The following ABCC9 variants were observed in gnomAD, a reference collection of about 807,000 sequenced individuals.
ABCC9 encodes ATP binding cassette subfamily C member 9.
A neutral mutation model predicts 188.3 loss-of-function variants in ABCC9; 95 were observed. The observed-to-expected ratio is 0.50, with a 90% CI of 0.43 to 0.60. The LOEUF is 0.60. Ranked by LOEUF, ABCC9 falls within the 20% of genes least tolerant of loss-of-function variation. ABCC9 has a pLI of 0.00. For missense variants in ABCC9, 1,102 were observed against 1,876.3 expected (o/e 0.59, Z 7.62); for synonymous variants, 659 against 652.7 (o/e 1.01, Z -0.15).
chr12:21,901,733 C>T (rs1415987063), intron 12 of ABCC9, among the ~76,000 whole-genome samples: 1 of 152,188 alleles, frequency 6.6e-6, no homozygotes, highest in Non-Finnish European at 1.5e-5. Flanking sequence ...GTAAAGGGAT[C>T]AACTCAACAA....
chr12:21,877,494 T>A (rs1946422613), intron 16 of ABCC9, among the ~76,000 whole-genome samples: 1 of 152,140 alleles, frequency 6.6e-6, no homozygotes, highest in African/African-American at 2.4e-5. Context: ...GCTGTCATTA[T>A]GGTTAAATGA....
intron 36 of ABCC9, 83 bp from the exon 37 acceptor site, chr12:21,810,038 T>C: frequency 2.3e-6 from 2 of 886,806 alleles, no homozygotes; most frequent in South Asian, 2.7e-5. Context: ...TTTCTTTCCT[T>C]ACAATGTAAG....
At chr12:21,864,933 G>A (rs931486653) in intron 18 of ABCC9, among the ~76,000 whole-genome samples, 3 of 152,020 alleles carry the variant, frequency 2.0e-5, no homozygotes, top group East Asian at 3.9e-4. Context: ...CACTAAACAC[G>A]AAAGATACAC....
At chr12:21,931,869 T>C (rs547450191) in intron 4 of ABCC9, among the ~76,000 whole-genome samples, 23 of 152,234 alleles carry the variant, frequency 1.5e-4, no homozygotes, top group Non-Finnish European at 3.1e-4. Flanking sequence ...ATGGCATCTA[T>C]TAGAGTCTCT....
intron 8 of ABCC9, 140 bp downstream of exon 8, chr12:21,912,732 G>A (rs1948377470): frequency 2.4e-6 from 2 of 842,248 alleles, no homozygotes; most frequent in South Asian, 3.5e-5. Context: ...GAAAATTACT[G>A]TTTTCTTTCT....
intron 5 of ABCC9, chr12:21,923,785 G>T (rs1948934485): frequency 1.4e-6 from 1 of 696,744 alleles, no homozygotes; most frequent in Non-Finnish European, 2.6e-6. Flanking sequence ...TTACCTAGGA[G>T]AAATAAATGC....
chr12:21,934,023 G>C, intron 3 of ABCC9, 100 bp from the exon 4 acceptor site: 3 of 1,300,084 alleles, frequency 2.3e-6, no homozygotes, highest in Non-Finnish European at 3.3e-6. Flanking sequence ...GCAGGGGTGG[G>C]GGGGTCCTGA....
intron 35 of ABCC9, among the ~76,000 whole-genome samples, chr12:21,813,404 G>T (rs932041499): frequency 6.6e-6 from 1 of 152,132 alleles, no homozygotes; most frequent in African/African-American, 2.4e-5. Flanking sequence ...TTTAGAGCAG[G>T]CAAGGGTGAT....
chr12:21,908,991 A>G (rs1592208487), intron 10 of ABCC9, among the ~76,000 whole-genome samples: 1 of 151,958 alleles, frequency 6.6e-6, no homozygotes. Context: ...GTTCAAGTAT[A>G]TAATTTATGC....
chr12:21,899,221 C>G (rs945077467), intron 12 of ABCC9, among the ~76,000 whole-genome samples: 1 of 152,164 alleles, frequency 6.6e-6, no homozygotes, highest in Non-Finnish European at 1.5e-5. Flanking sequence ...TCGTTGCAAT[C>G]ATCTGAATCA....
At chr12:21,886,294 C>G (rs1946871301) in intron 15 of ABCC9, among the ~76,000 whole-genome samples, 5 of 152,064 alleles carry the variant, frequency 3.3e-5, no homozygotes, top group Admixed American at 3.3e-4. Context: ...CTCAGCCTCC[C>G]TATTTCAGTT....
In ABCC9 at chr12:21,809,851, C is replaced by T; in HGVS notation, c.4315+1G>A. On this transcript the variant is annotated splice_donor_variant, in intron 37 of 39. Transcript: ENST00000261200. LOFTEE classifies it high-confidence loss of function. ...ATAAATATGCTATTTAGGAAATATACCTAGACCTCCAGGTAGAGATTTGAC... is the reference window on the plus strand; with the variant it reads ...ATAAATATGCTATTTAGGAAATATATCTAGACCTCCAGGTAGAGATTTGAC... 1 of 1,576,992 alleles carries T rather than the reference C, an allele frequency of 6.3e-7. No homozygotes were observed. The highest frequency in any genetic ancestry group is 8.7e-7 in the Non-Finnish European group (1 of 1,148,144).
chr12:21,828,107 C>A (rs1020195391), intron 31 of ABCC9, among the ~76,000 whole-genome samples: 1 of 152,150 alleles, frequency 6.6e-6, no homozygotes, highest in African/African-American at 2.4e-5. Flanking sequence ...TTTTTCTTTT[C>A]AAAACCGGCA....
At chr12:21,886,346 G>A (rs1239000979) in intron 15 of ABCC9, among the ~76,000 whole-genome samples, 1 of 151,864 alleles carries the variant, frequency 6.6e-6, no homozygotes, top group Non-Finnish European at 1.5e-5. Flanking sequence ...CAATAACCTA[G>A]GATTCTTCCT....
intron 22 of ABCC9, among the ~76,000 whole-genome samples, chr12:21,855,210 T>C: frequency 6.6e-6 from 1 of 152,146 alleles, no homozygotes; most frequent in Middle Eastern, 3.4e-3. Flanking sequence ...AATTCTGATA[T>C]TTATTTATTT....
intron 11 of ABCC9, among the ~76,000 whole-genome samples, chr12:21,907,851 C>T (rs923308998): frequency 3.3e-5 from 5 of 151,916 alleles, no homozygotes; most frequent in Non-Finnish European, 5.9e-5. Flanking sequence ...ACATGGGGAA[C>T]GGTGATTCTA....
intron 18 of ABCC9, among the ~76,000 whole-genome samples, chr12:21,866,795 C>G (rs968441060): frequency 6.6e-6 from 1 of 152,114 alleles, no homozygotes; most frequent in Admixed American, 6.5e-5. Flanking sequence ...TGGTGAGACC[C>G]TCTCATCCAG....
At position 21,845,769 on chromosome 12, in the gene ABCC9, A is replaced by ATT. The variant is rs1565731854; in HGVS notation, c.2928_2929dup (p.Met977LysfsTer11). The ATT allele has an allele frequency of 6.2e-6, 10 of 1,613,810 alleles. No individual in the cohort carries two copies. The highest frequency in any genetic ancestry group is 1.7e-5 in the Admixed American group (1 of 59,972). On this transcript the variant is annotated frameshift_variant, in exon 26 of 40. Coordinates refer to ENST00000261200, the MANE Select transcript of ABCC9 (RefSeq NM_020297.4). LOFTEE classifies it high-confidence loss of function. ...GTAGCGCCAGCAGGTTTTCCATGGC[A>ATT]TTTTAGTCCTGAGCCTCATTACAGT... is the stretch of plus-strand genomic sequence containing the variant.
intron 28 of ABCC9, among the ~76,000 whole-genome samples, chr12:21,843,239 T>C (rs1222721747): frequency 1.3e-5 from 2 of 152,216 alleles, no homozygotes; most frequent in Non-Finnish European, 1.5e-5. Flanking sequence ...ATTTGCTTTG[T>C]ATTTTTTGGG....
Sources: allele counts gnomAD v4.1 joint callset (sites outside exome capture counted in the v4.1 genomes callset), GRCh38; gene constraint gnomAD v4.1.1; transcripts MANE v1.5; gene names NCBI Gene and HGNC (gene_info 2026-07-23, HGNC 2026-07-21).